Variants in TMEM9 observed in about 807,000 individuals in gnomAD.
TMEM9 encodes the protein proton-transporting V-type ATPase complex assembly regulator TMEM9.
A neutral mutation model predicts 22.8 loss-of-function variants in TMEM9; 13 were observed. The observed-to-expected ratio is 0.57, with a 90% CI of 0.37 to 0.91. The LOEUF is 0.91. Among genes scored for constraint, TMEM9 ranks in the 40% least tolerant of loss-of-function variants. The probability of loss-of-function intolerance (pLI) is 0.01; values close to 1 mark genes in which losing one functional copy is unlikely to be tolerated. For missense variants in TMEM9, 182 were observed against 238.1 expected (o/e 0.76, Z 1.55); for synonymous variants, 88 against 93.0 (o/e 0.95, Z 0.31).
At chr1:201,167,143 C>T (rs890352834) in intron 1 of TMEM9, among the ~76,000 whole-genome samples, 1 of 152,176 alleles carries the variant, frequency 6.6e-6, no homozygotes, top group Non-Finnish European at 1.5e-5. Context: ...GTTACTATAA[C>T]CGCCTGATGG....
intron 2 of TMEM9, among the ~76,000 whole-genome samples, chr1:201,151,506 C>G (rs1665419071): frequency 6.6e-6 from 1 of 152,220 alleles, no homozygotes; most frequent in African/African-American, 2.4e-5. Flanking sequence ...TCACTAAAGA[C>G]CAATATTCAA....
rs1409573851 is a variant in TMEM9, at chr1:201,154,131, G to A, written c.-208C>T. ...CTGCTTCCCTCCCGCCCAACTCTCC[G>A]GCTCTCCGCCAGCCACCTGGTGAGC... On this transcript the variant is annotated 5_prime_UTR_variant, in exon 1 of 5. Coordinates refer to ENST00000367330, the MANE Select transcript of TMEM9 (RefSeq NM_001288565.2). 2 of 593,784 alleles carry A rather than the reference G, an allele frequency of 3.4e-6. No homozygotes were observed. Among genetic ancestry groups the A allele is most frequent in the Non-Finnish European group, 5.7e-6 (2 of 348,486 alleles). The allele number at this position is 593,784 out of a possible 1,614,324, so 36.8% of individuals were successfully genotyped here.
At chr1:201,154,810 A>G (rs182618237), upstream of TMEM9, among the ~76,000 whole-genome samples, 162 of 152,338 alleles carry the variant, frequency 1.1e-3, no homozygotes, top group African/African-American at 3.7e-3. Context: ...AAACGATACG[A>G]GATTGAAGGG....
At chr1:201,152,926 A>G (rs990537891) in intron 1 of TMEM9, among the ~76,000 whole-genome samples, 1 of 152,274 alleles carries the variant, frequency 6.6e-6, no homozygotes, top group Non-Finnish European at 1.5e-5. Context: ...CTTGTTAATG[A>G]ATCAGGTGAC....
intron 1 of TMEM9, among the ~76,000 whole-genome samples, chr1:201,166,949 G>A (rs1246293451): frequency 6.6e-6 from 1 of 152,218 alleles, no homozygotes; most frequent in African/African-American, 2.4e-5. Context: ...ACTGTAAAGT[G>A]AGAGCACTAA....
In TMEM9 at chr1:201,147,490, A is replaced by G. The variant is rs546841363; in HGVS notation, c.159-642T>C. Among the ~76,000 whole-genome samples the G allele has an allele frequency of 2.6e-5, 4 of 152,306 alleles. No individual in the cohort carries two copies. The East Asian group carries it at 5.8e-4, about 22-fold the overall frequency. ...TGATTTTACTTCCCTAAAAATTCCTAGAATCCATCTCCTTTATTCTCTCCC... is the reference window on the plus strand; with the variant it reads ...TGATTTTACTTCCCTAAAAATTCCTGGAATCCATCTCCTTTATTCTCTCCC... On this transcript the variant is annotated intron_variant, in intron 2 of 4. Coordinates refer to ENST00000367330, the MANE Select transcript of TMEM9 (RefSeq NM_001288565.2).
intron 1 of TMEM9, among the ~76,000 whole-genome samples, chr1:201,166,551 C>A (rs566892072): frequency 4.3e-4 from 66 of 151,836 alleles, no homozygotes; most frequent in African/African-American, 1.4e-3. Context: ...TTAGTAGAGA[C>A]GGGGTTTTGT....
At chr1:201,162,234 C>T (rs938779451) in intron 1 of TMEM9, among the ~76,000 whole-genome samples, 2 of 151,428 alleles carry the variant, frequency 1.3e-5, no homozygotes, top group Admixed American at 6.6e-5. Flanking sequence ...TGGCTCACTG[C>T]AGCCTTGACC....
At chr1:201,165,087 C>T (rs1666038208) in intron 1 of TMEM9, among the ~76,000 whole-genome samples, 1 of 149,214 alleles carries the variant, frequency 6.7e-6, no homozygotes, top group Non-Finnish European at 1.5e-5. Context: ...TTTTATTTTA[C>T]TTTTCCAGTA....
intron 4 of TMEM9, among the ~76,000 whole-genome samples, chr1:201,139,038 G>GT (rs1393965041): frequency 1.3e-5 from 2 of 152,244 alleles, no homozygotes; most frequent in African/African-American, 2.4e-5. Flanking sequence ...AAGGACCCAA[G>GT]TAACTGTGTG....
chr1:201,156,197 C>G (rs1262611776), upstream of TMEM9, among the ~76,000 whole-genome samples: 1 of 152,172 alleles, frequency 6.6e-6, no homozygotes, highest in East Asian at 1.9e-4. Context: ...CACTGTCATT[C>G]TGCATTTCTG....
At chr1:201,140,488 C>A (rs938445478) in intron 4 of TMEM9, among the ~76,000 whole-genome samples, 3 of 152,208 alleles carry the variant, frequency 2.0e-5, no homozygotes, top group African/African-American at 7.2e-5. Flanking sequence ...GCTCTGCCAG[C>A]GCTTTCAAAG....
At chr1:201,169,475 G>T (rs955777909) in intron 1 of TMEM9, among the ~76,000 whole-genome samples, 1 of 152,158 alleles carries the variant, frequency 6.6e-6, no homozygotes, top group African/African-American at 2.4e-5. Context: ...ATGCTCCAAG[G>T]AACACAGACC....
upstream of TMEM9, among the ~76,000 whole-genome samples, chr1:201,159,336 G>A (rs1275452066): frequency 1.3e-5 from 2 of 152,110 alleles, no homozygotes; most frequent in African/African-American, 2.4e-5. Context: ...TACCTCTCTG[G>A]CCACAGCAGG....
chr1:201,145,389 T>C (rs1572112749), intron 3 of TMEM9: 1 of 152,244 alleles, frequency 6.6e-6, no homozygotes, highest in Non-Finnish European at 1.5e-5. Context: ...CTGCCTCAGG[T>C]GGATGAAAGG....
chr1:201,141,986 A>AC (rs1014324965), intron 4 of TMEM9, among the ~76,000 whole-genome samples: 38 of 152,218 alleles, frequency 2.5e-4, no homozygotes, highest in Middle Eastern at 3.4e-3. Flanking sequence ...TGCAATTACC[A>AC]CATTACCCCT....
intron 1 of TMEM9, among the ~76,000 whole-genome samples, chr1:201,153,112 T>A (rs182037114): frequency 1.7e-4 from 26 of 152,354 alleles, no homozygotes; most frequent in Admixed American, 1.7e-3. Flanking sequence ...TATGTTGCTG[T>A]GTCTAACAGC....
chr1:201,140,449 G>A (rs753311198), intron 4 of TMEM9, among the ~76,000 whole-genome samples: 1 of 152,354 alleles, frequency 6.6e-6, no homozygotes, highest in South Asian at 2.1e-4. Context: ...CCCAGGGGAG[G>A]CAGCGCCCAG....
intron 4 of TMEM9, among the ~76,000 whole-genome samples, chr1:201,141,169 C>T (rs954652580): frequency 6.6e-6 from 1 of 152,198 alleles, no homozygotes; most frequent in African/African-American, 2.4e-5. Context: ...AGAGGGGCCT[C>T]CCAAGGCACC....
Sources: gnomAD v4.1 joint callset for allele counts (sites outside exome capture counted in the v4.1 genomes callset) on GRCh38, gnomAD v4.1.1 for gene constraint, MANE v1.5 for transcripts, NCBI Gene and HGNC (gene_info 2026-07-23, HGNC 2026-07-21) for gene names.